IL7: variants seen among roughly 807,000 people sequenced by gnomAD.
The protein encoded by IL7 is interleukin 7, also known as interleukin-7.
A neutral mutation model predicts 21.6 loss-of-function variants in IL7; 3 were observed. The ratio of observed to expected loss-of-function variants is 0.14; its 90% CI spans 0.06 to 0.36. The LOEUF (loss-of-function observed/expected upper bound fraction) is 0.36. IL7 is among the 10% of genes least tolerant of loss of function. The pLI is 1.00. For synonymous variants in IL7, 62 were observed against 68.1 expected, an observed-to-expected ratio of 0.91 and a Z score of 0.44; for missense variants, 175 against 200.2, an observed-to-expected ratio of 0.87 and a Z score of 0.76.
At chr8:78,735,159 G>A (rs1402976876) in intron 5 of IL7, among the ~76,000 whole-genome samples, 1 of 151,526 alleles carries the variant, frequency 6.6e-6, no homozygotes, top group Non-Finnish European at 1.5e-5. Context: ...GAAATATACA[G>A]ATGTGAAAAT....
intron 3 of IL7, chr8:78,698,349 T>C: frequency 7.7e-7 from 1 of 1,294,596 alleles, no homozygotes; most frequent in African/African-American, 1.5e-5. Flanking sequence ...TTTCCTTTGT[T>C]AGATGCTCTG....
intron 2 of IL7, among the ~76,000 whole-genome samples, chr8:78,787,841 C>G (rs1586106585): frequency 6.6e-6 from 1 of 152,028 alleles, no homozygotes; most frequent in African/African-American, 2.4e-5. Flanking sequence ...TAACAAATGT[C>G]CATGAACAGG....
chr8:78,765,295 C>A (rs949123640), intron 2 of IL7, among the ~76,000 whole-genome samples: 5 of 151,850 alleles, frequency 3.3e-5, no homozygotes, highest in Non-Finnish European at 7.4e-5. Context: ...AATAAAATAC[C>A]AAAGGCATGA....
chr8:78,687,829 G>A (rs1329699524), intron 3 of IL7, among the ~76,000 whole-genome samples: 4 of 110,824 alleles, frequency 3.6e-5, no homozygotes, highest in Non-Finnish European at 3.5e-5. Context: ...ATATATTCAT[G>A]TAATAAATTA....
At chr8:78,717,498 A>C, downstream of IL7, 1 of 1,465,770 alleles carries the variant, frequency 6.8e-7, no homozygotes, top group Middle Eastern at 1.8e-4. Context: ...CTATGAATAG[A>C]ATCTCAAAAA....
intron 2 of IL7, among the ~76,000 whole-genome samples, chr8:78,759,609 TAA>T (rs1812479187): frequency 6.6e-6 from 1 of 152,212 alleles, no homozygotes; most frequent in African/African-American, 2.4e-5. Flanking sequence ...TTTGTTTCTT[TAA>T]GTTTGAGAAA....
chr8:78,696,695 G>A (rs1255854051), intron 3 of IL7, among the ~76,000 whole-genome samples: 3 of 152,210 alleles, frequency 2.0e-5, no homozygotes, highest in Non-Finnish European at 2.9e-5. Flanking sequence ...ATGGTCTGGT[G>A]AGGATCGTGA....
downstream of IL7, among the ~76,000 whole-genome samples, chr8:78,715,912 C>T (rs1811085607): frequency 6.6e-6 from 1 of 151,278 alleles, no homozygotes; most frequent in Non-Finnish European, 1.5e-5. Flanking sequence ...TGGTGTTGCA[C>T]ACCTGTAATC....
At chr8:78,777,528 G>A (rs1242300344) in intron 2 of IL7, among the ~76,000 whole-genome samples, 1 of 151,916 alleles carries the variant, frequency 6.6e-6, no homozygotes, top group Non-Finnish European at 1.5e-5. Flanking sequence ...TACCTTTAAG[G>A]ACTCCATGCA....
At chr8:78,778,259 G>C (rs543778283) in intron 2 of IL7, among the ~76,000 whole-genome samples, 1 of 152,118 alleles carries the variant, frequency 6.6e-6, no homozygotes, top group East Asian at 1.9e-4. Flanking sequence ...GGAAAGGCAG[G>C]ATTCGAAGCT....
chr8:78,805,042 A>G lies in IL7; in HGVS notation c.-120T>C, dbSNP rs1814278320. 9.1e-7 allele frequency: 1 copy of G among 1,102,124 alleles called. No individual in the cohort carries two copies. The highest frequency in any genetic ancestry group is 1.3e-6 in the Non-Finnish European group (1 of 764,506). The allele number at this position is 1,102,124 out of a possible 1,614,324, so 68.3% of individuals were successfully genotyped here. On this transcript the variant is annotated 5_prime_UTR_variant, in exon 1 of 6. Coordinates refer to ENST00000263851, the MANE Select transcript of IL7 (RefSeq NM_000880.4). ...CGGAGTTGCCGAGTCTGTGTTGGGCAGGGTGATCTCTGCAGCTGGTTCCTC... is the reference window on the plus strand; with the variant it reads ...CGGAGTTGCCGAGTCTGTGTTGGGCGGGGTGATCTCTGCAGCTGGTTCCTC...
chr8:78,761,696 C>T, intron 2 of IL7: 2 of 1,611,922 alleles, frequency 1.2e-6, no homozygotes, highest in Admixed American at 1.7e-5. Flanking sequence ...TCGAATACAG[C>T]TCTCACAGAT....
intron 4 of IL7, among the ~76,000 whole-genome samples, chr8:78,681,290 G>A (rs186132977): frequency 3.4e-4 from 52 of 152,026 alleles, no homozygotes; most frequent in African/African-American, 1.2e-3. Flanking sequence ...TAATAGAAGC[G>A]ATGAATAATA....
intron 4 of IL7, among the ~76,000 whole-genome samples, chr8:78,736,927 A>G (rs1039791603): frequency 2.0e-5 from 3 of 152,158 alleles, no homozygotes; most frequent in African/African-American, 7.2e-5. Flanking sequence ...TCAGAAACAA[A>G]ATGAAATAAA....
At chr8:78,703,111 A>T (rs376079054) in intron 3 of IL7, among the ~76,000 whole-genome samples, 72 of 152,172 alleles carry the variant, frequency 4.7e-4, no homozygotes, top group Middle Eastern at 6.8e-3. Context: ...TGGCCAGGCC[A>T]GTCTCAAACC....
chr8:78,687,076 T>G (rs961681417), intron 3 of IL7, among the ~76,000 whole-genome samples: 4 of 152,142 alleles, frequency 2.6e-5, no homozygotes, highest in Non-Finnish European at 5.9e-5. Flanking sequence ...ATTTGTATAT[T>G]GTTAAATTTT....
chr8:78,785,728 T>C (rs975248249), intron 2 of IL7, among the ~76,000 whole-genome samples: 12 of 152,208 alleles, frequency 7.9e-5, no homozygotes, highest in Admixed American at 2.0e-4. Flanking sequence ...TATCGTTGTA[T>C]GTTATTTTCA....
chr8:78,756,579 G>A (rs1010179302), intron 2 of IL7, among the ~76,000 whole-genome samples: 1 of 151,628 alleles, frequency 6.6e-6, no homozygotes, highest in Non-Finnish European at 1.5e-5. Flanking sequence ...ATTCATTTCC[G>A]CTAGGTTTTC....
chr8:78,730,713 C>T (rs78388212), downstream of IL7, among the ~76,000 whole-genome samples: 1,425 of 152,026 alleles, frequency 9.4e-3, 23 homozygotes, highest in African/African-American at 0.032. Flanking sequence ...AGCTTTTCCC[C>T]TTAGGAGCTG....
Sources: allele counts gnomAD v4.1 joint callset (sites outside exome capture counted in the v4.1 genomes callset), GRCh38; gene constraint gnomAD v4.1.1; transcripts MANE v1.5; gene names NCBI Gene and HGNC (gene_info 2026-07-23, HGNC 2026-07-21).